COL25A1: variants seen among roughly 807,000 people sequenced by gnomAD.
COL25A1 encodes the protein collagen type XXV alpha 1 chain, also known as collagen alpha-1(XXV) chain.
COL25A1 carries 103 observed loss-of-function variants against 128.4 expected under a neutral mutation model. The observed-to-expected ratio is 0.80, with a 90% confidence interval of 0.68 to 0.94. The LOEUF is 0.94. Among genes scored for constraint, COL25A1 ranks in the 40% least tolerant of loss-of-function variants. COL25A1 has a pLI of 0.00. For missense variants in COL25A1, 745 were observed against 840.0 expected, an observed-to-expected ratio of 0.89 and a Z score of 1.40; for synonymous variants, 279 against 277.2, an observed-to-expected ratio of 1.01 and a Z score of -0.06.
At chr4:108,838,164 TA>T (rs1734022257) in intron 31 of COL25A1, 1 of 1,550,320 alleles carries the variant, frequency 6.5e-7, no homozygotes, top group African/African-American at 1.4e-5. Context: ...TAACACCATT[TA>T]ACCCTGGTTC....
intron 4 of COL25A1, among the ~76,000 whole-genome samples, chr4:109,048,972 T>C (rs568415338): frequency 2.2e-4 from 33 of 152,250 alleles, no homozygotes; most frequent in African/African-American, 5.5e-4. Flanking sequence ...GGAATACCTA[T>C]ACAAGTTTCC....
chr4:109,044,899 A>G (rs995707281), intron 5 of COL25A1, among the ~76,000 whole-genome samples: 2 of 152,196 alleles, frequency 1.3e-5, no homozygotes, highest in Admixed American at 1.3e-4. Context: ...CAGGAAAAAG[A>G]AGTGAAAGGA....
At chr4:108,898,318 A>C (rs1742387288) in intron 15 of COL25A1, among the ~76,000 whole-genome samples, 1 of 152,178 alleles carries the variant, frequency 6.6e-6, no homozygotes, top group African/African-American at 2.4e-5. Flanking sequence ...TATAATTAAG[A>C]ATTTTTCTTG....
At chr4:109,233,601 T>C (rs760576480) in intron 3 of COL25A1, among the ~76,000 whole-genome samples, 7 of 152,164 alleles carry the variant, frequency 4.6e-5, no homozygotes, top group East Asian at 1.9e-4. Flanking sequence ...GTGCAACCTT[T>C]AGTAATGTGA....
intron 3 of COL25A1, among the ~76,000 whole-genome samples, chr4:109,082,015 T>A (rs1763889997): frequency 6.6e-6 from 1 of 152,168 alleles, no homozygotes; most frequent in Non-Finnish European, 1.5e-5. Flanking sequence ...CACTAATCTC[T>A]TTTCTATCTC....
At chr4:109,051,616 T>TACACACAC (rs757614145) in intron 3 of COL25A1, among the ~76,000 whole-genome samples, 10,864 of 112,308 alleles carry the variant, frequency 0.097, 519 homozygotes, top group African/African-American at 0.15. Flanking sequence ...CAAACACACA[T>TACACACAC]ACATACACAC....
At chr4:109,234,842 AACCTT>A (rs1277156805) in intron 3 of COL25A1, among the ~76,000 whole-genome samples, 3 of 152,086 alleles carry the variant, frequency 2.0e-5, no homozygotes, top group African/African-American at 7.2e-5. Flanking sequence ...CGTTCTTCCC[AACCTT>A]AAATACCAGT....
intron 3 of COL25A1, among the ~76,000 whole-genome samples, chr4:109,139,827 C>A (rs1425882622): frequency 6.6e-6 from 1 of 151,460 alleles, no homozygotes; most frequent in Admixed American, 6.6e-5. Context: ...ACCCCCTCCC[C>A]CCGACCCCAC....
At chr4:109,187,505 C>T (rs1033090051) in intron 3 of COL25A1, among the ~76,000 whole-genome samples, 6 of 152,024 alleles carry the variant, frequency 3.9e-5, no homozygotes, top group African/African-American at 9.7e-5. Flanking sequence ...AGGGTTGGCA[C>T]GAGAATTAAA....
chr4:109,052,850 G>A (rs1449059288), intron 3 of COL25A1, among the ~76,000 whole-genome samples: 2 of 152,136 alleles, frequency 1.3e-5, no homozygotes, highest in Non-Finnish European at 2.9e-5. Flanking sequence ...GTTAACAATT[G>A]TCACAAAAGA....
At position 108,824,343 on chromosome 4, in the gene COL25A1, C is replaced by T. The variant is rs1732123455; in HGVS notation, c.1792-116G>A. The T allele has an allele frequency of 5.5e-6, 4 of 721,250 alleles. No individual in the cohort carries two copies. In the African/African-American group the frequency reaches 7.1e-5, roughly 13 times the overall value. 44.7% of individuals were successfully genotyped at this position (721,250 alleles called of 1,614,324 possible). A position where few individuals can be genotyped will look rare whatever the true frequency, so the allele number is the denominator to read the frequency against. On this transcript the variant is annotated intron_variant, in intron 34 of 37. Transcript: ENST00000399132. ...AGCTTAAATATAACAAGAAATGGCT[C>T]ACCAGTGTTAAGACTTAGATAATAA...
intron 13 of COL25A1, among the ~76,000 whole-genome samples, chr4:108,910,415 T>C (rs1263549509): frequency 1.3e-5 from 2 of 152,222 alleles, no homozygotes; most frequent in East Asian, 3.8e-4. Context: ...AATCTACCCT[T>C]ATTTAACAGT....
intron 6 of COL25A1, among the ~76,000 whole-genome samples, chr4:109,000,768 AG>A (rs1163611510): frequency 0.12 from 5,720 of 48,178 alleles, 1,045 homozygotes; most frequent in Non-Finnish European, 0.14. Flanking sequence ...AAAAAAAAAA[AG>A]AAAAAACTAT....
chr4:109,069,955 A>T (rs1211469255), intron 3 of COL25A1, among the ~76,000 whole-genome samples: 2 of 144,556 alleles, frequency 1.4e-5, no homozygotes, highest in Non-Finnish European at 3.0e-5. Flanking sequence ...TTCAAAAATT[A>T]AGAAGAGCAA....
chr4:108,986,375 C>G (rs1753671722), intron 6 of COL25A1, among the ~76,000 whole-genome samples: 1 of 152,142 alleles, frequency 6.6e-6, no homozygotes, highest in Non-Finnish European at 1.5e-5. Flanking sequence ...CCTTGACCTC[C>G]TGATCAACCA....
chr4:109,214,621 T>C (rs1330230487), intron 3 of COL25A1, among the ~76,000 whole-genome samples: 6 of 128,136 alleles, frequency 4.7e-5, no homozygotes, highest in Non-Finnish European at 9.5e-5. Context: ...TATACATATA[T>C]ATAATCTAAA....
intron 3 of COL25A1, among the ~76,000 whole-genome samples, chr4:109,194,537 G>C (rs1372988763): frequency 6.6e-6 from 1 of 151,952 alleles, no homozygotes; most frequent in Non-Finnish European, 1.5e-5. Flanking sequence ...ACCCCATGGA[G>C]TATATAGAAG....
intron 35 of COL25A1, chr4:108,823,820 A>G (rs1732056050): frequency 1.1e-6 from 1 of 942,206 alleles, no homozygotes; most frequent in Non-Finnish European, 1.4e-6. Flanking sequence ...GGGTTCAATG[A>G]GCTCTGCCAA....
At chr4:109,036,069 A>T (rs1759321811) in intron 5 of COL25A1, among the ~76,000 whole-genome samples, 1 of 151,886 alleles carries the variant, frequency 6.6e-6, no homozygotes, top group Non-Finnish European at 1.5e-5. Context: ...CTGGGACTAC[A>T]GGCGCCCGCC....
Sources: allele counts gnomAD v4.1 joint callset (sites outside exome capture counted in the v4.1 genomes callset), GRCh38; gene constraint gnomAD v4.1.1; transcripts MANE v1.5; gene names NCBI Gene and HGNC (gene_info 2026-07-23, HGNC 2026-07-21).